GLYATL2: variants seen among roughly 807,000 people sequenced by gnomAD.
GLYATL2 encodes the protein glycine-N-acyltransferase like 2, also known as glycine N-acyltransferase-like protein 2.
GLYATL2 carries 25 observed loss-of-function variants against 21.4 expected under a neutral mutation model. The observed-to-expected ratio is 1.17, with a 90% CI of 0.85 to 1.63. The LOEUF is 1.63. Among genes scored for constraint, GLYATL2 ranks in the 40% most tolerant of loss-of-function variants. GLYATL2 has a pLI of 0.00. For synonymous variants in GLYATL2, 114 were observed against 118.2 expected (o/e 0.96, Z 0.23); for missense variants, 361 against 343.3 (o/e 1.05, Z -0.41).
upstream of GLYATL2, chr11:58,905,759 CG>C: frequency 2.9e-6 from 1 of 341,322 alleles, no homozygotes; most frequent in Admixed American, 3.2e-5. Context: ...GGCGGGTGGG[CG>C]CGCAGTCCCC....
chr11:58,874,910 A>T (rs1324163793), intron 1 of GLYATL2, among the ~76,000 whole-genome samples: 3 of 152,014 alleles, frequency 2.0e-5, no homozygotes, highest in Admixed American at 1.3e-4. Flanking sequence ...CCCATTATTA[A>T]TGTGTGGGAG....
At chr11:58,847,791 C>T (rs1408864681), upstream of GLYATL2, among the ~76,000 whole-genome samples, 2 of 152,146 alleles carry the variant, frequency 1.3e-5, no homozygotes, top group Non-Finnish European at 2.9e-5. Context: ...ACAGGCCTTG[C>T]TGGCTTTGCT....
intron 1 of GLYATL2, among the ~76,000 whole-genome samples, chr11:58,877,895 C>A (rs187922819): frequency 4.6e-5 from 7 of 152,286 alleles, no homozygotes; most frequent in Middle Eastern, 3.4e-3. Context: ...TTTGGGTGAA[C>A]GGTAACCTAC....
chr11:58,836,846 G>C (rs995094042), intron 5 of GLYATL2, among the ~76,000 whole-genome samples, 169 bp downstream of exon 5: 1 of 152,120 alleles, frequency 6.6e-6, no homozygotes, highest in African/African-American at 2.4e-5. Flanking sequence ...GTCTAATGAA[G>C]GCTATGTCCA....
At chr11:58,888,804 A>G (rs1355685445) in intron 1 of GLYATL2, among the ~76,000 whole-genome samples, 3 of 151,900 alleles carry the variant, frequency 2.0e-5, no homozygotes, top group African/African-American at 7.2e-5. Context: ...TATGCAATGT[A>G]CACAATTGCA....
intron 1 of GLYATL2, among the ~76,000 whole-genome samples, chr11:58,881,367 A>C (rs890173204): frequency 5.3e-5 from 8 of 152,218 alleles, no homozygotes; most frequent in Non-Finnish European, 1.2e-4. Flanking sequence ...TCTCCAAGTT[A>C]TTGTTAATAA....
intron 1 of GLYATL2, among the ~76,000 whole-genome samples, chr11:58,870,033 G>A (rs1854090147): frequency 6.6e-6 from 1 of 152,098 alleles, no homozygotes; most frequent in East Asian, 1.9e-4. Context: ...GCTTGAGCCT[G>A]AAAGGTCAAG....
chr11:58,838,758 A>T (rs12287295), intron 2 of GLYATL2, among the ~76,000 whole-genome samples: 2,857 of 152,248 alleles, frequency 0.019, 88 homozygotes, highest in African/African-American at 0.066. Context: ...TACAACCCTA[A>T]AGTTAAGTTT....
At chr11:58,845,173 AC>A (rs1391657286), upstream of GLYATL2, among the ~76,000 whole-genome samples, 1 of 152,222 alleles carries the variant, frequency 6.6e-6, no homozygotes, top group Non-Finnish European at 1.5e-5. Context: ...CAATACAAGA[AC>A]TTTTCCAGAT....
At chr11:58,879,920 G>A (rs1429920889) in intron 1 of GLYATL2, among the ~76,000 whole-genome samples, 22 of 150,330 alleles carry the variant, frequency 1.5e-4, no homozygotes, top group African/African-American at 4.4e-4. Flanking sequence ...GTGCAGTGGC[G>A]CGATCTCGGC....
chr11:58,838,420 G>A (rs1178246638), intron 2 of GLYATL2, 52 bp from the exon 3 acceptor site: 3 of 1,131,800 alleles, frequency 2.7e-6, no homozygotes, highest in South Asian at 1.3e-5. Context: ...CTCCAATATA[G>A]AGTCTTATAT....
chr11:58,837,729 G>A (rs1028104558), intron 3 of GLYATL2, among the ~76,000 whole-genome samples: 49 of 152,170 alleles, frequency 3.2e-4, no homozygotes, highest in African/African-American at 1.1e-3. Context: ...GAACAGGTTT[G>A]GCAAGGCTCC....
At chr11:58,858,716 G>T (rs1302037380) in intron 1 of GLYATL2, among the ~76,000 whole-genome samples, 4 of 152,168 alleles carry the variant, frequency 2.6e-5, no homozygotes, top group Non-Finnish European at 5.9e-5. Flanking sequence ...GCAACATGAA[G>T]TCCTAATTTA....
At chr11:58,839,487 C>A in intron 2 of GLYATL2, 48 bp downstream of exon 2, 13 of 1,195,582 alleles carry the variant, frequency 1.1e-5, no homozygotes, top group Non-Finnish European at 1.3e-5. Flanking sequence ...ATCTGTCCTC[C>A]TCTCAACTCA....
chr11:58,839,605 A>G lies in GLYATL2; in HGVS notation c.8T>C (p.Val3Ala), dbSNP rs762897346. 4 of 1,610,840 alleles carry G rather than the reference A, an allele frequency of 2.5e-6. No homozygotes were observed. The Admixed American group carries it at 6.7e-5, about 27-fold the overall frequency. Residue 3 changes from valine to alanine, a missense_variant, in exon 2 of 6, where the codon GTG (valine) becomes GCG (alanine). Transcript: ENST00000287275. ML[V>A]LHNSQKLQIL... ...CTGCAGCTTCTGAGAGTTATGAAGC[A>G]CAAGCATCTTATGTAGCACTTCAGC...
At chr11:58,874,996 A>T (rs1854200280) in intron 1 of GLYATL2, among the ~76,000 whole-genome samples, 1 of 152,214 alleles carries the variant, frequency 6.6e-6, no homozygotes, top group African/African-American at 2.4e-5. Flanking sequence ...ATATATATTT[A>T]GGATAGTTAG....
intron 1 of GLYATL2, among the ~76,000 whole-genome samples, chr11:58,903,019 T>C (rs1209885219): frequency 6.6e-6 from 1 of 152,198 alleles, no homozygotes; most frequent in Non-Finnish European, 1.5e-5. Context: ...AGGTAGTTAG[T>C]TTCTCTGTGA....
At chr11:58,895,504 C>A (rs1214417426) in intron 1 of GLYATL2, among the ~76,000 whole-genome samples, 1 of 152,156 alleles carries the variant, frequency 6.6e-6, no homozygotes, top group Non-Finnish European at 1.5e-5. Context: ...CTTCTCATTC[C>A]TCTTTTCTCA....
intron 1 of GLYATL2, among the ~76,000 whole-genome samples, chr11:58,886,475 C>T (rs113593192): frequency 1.3e-5 from 2 of 152,152 alleles, no homozygotes; most frequent in Non-Finnish European, 2.9e-5. Flanking sequence ...GTTTTATTAG[C>T]TATATAACCA....
Sources: allele counts gnomAD v4.1 joint callset (sites outside exome capture counted in the v4.1 genomes callset), GRCh38; gene constraint gnomAD v4.1.1; transcripts MANE v1.5; gene names NCBI Gene and HGNC (gene_info 2026-07-23, HGNC 2026-07-21).